Variants in TLL2 observed in about 807,000 individuals in gnomAD.
TLL2 encodes the protein tolloid-like protein 2.
A neutral mutation model predicts 123.0 loss-of-function variants in TLL2; 106 were observed. The observed-to-expected ratio is 0.86, with a 90% CI of 0.74 to 1.01. The LOEUF (loss-of-function observed/expected upper bound fraction) is 1.01. TLL2 is among the 50% of genes least tolerant of loss of function. TLL2 has a pLI of 0.00. For synonymous variants in TLL2, 494 were observed against 516.8 expected (o/e 0.96, Z 0.60); for missense variants, 1,332 against 1,336.7 (o/e 1.00, Z 0.06).
At chr10:96,382,184 C>G (rs577248071) in intron 16 of TLL2, among the ~76,000 whole-genome samples, 2 of 152,186 alleles carry the variant, frequency 1.3e-5, no homozygotes, top group Non-Finnish European at 2.9e-5. Flanking sequence ...CATGCGCCAG[C>G]GCGCCCAGCT....
intron 1 of TLL2, among the ~76,000 whole-genome samples, chr10:96,499,222 A>G (rs570581517): frequency 1.3e-5 from 2 of 152,260 alleles, no homozygotes; most frequent in East Asian, 3.9e-4. Context: ...AACCCTCCAG[A>G]GTTTTGCCAA....
chr10:96,445,879 G>T (rs1250658155), intron 3 of TLL2, among the ~76,000 whole-genome samples: 3 of 152,194 alleles, frequency 2.0e-5, no homozygotes, highest in Admixed American at 2.0e-4. Context: ...AGGGAAGGGA[G>T]AATGGGAGTG....
At chr10:96,442,111 C>A (rs1433976127) in intron 3 of TLL2, among the ~76,000 whole-genome samples, 1 of 152,188 alleles carries the variant, frequency 6.6e-6, no homozygotes, top group African/African-American at 2.4e-5. Context: ...GAGCTCTCAT[C>A]TCCAGAGGAG....
intron 19 of TLL2, among the ~76,000 whole-genome samples, chr10:96,371,185 G>T (rs1295742336): frequency 6.6e-6 from 1 of 152,046 alleles, no homozygotes; most frequent in Non-Finnish European, 1.5e-5. Flanking sequence ...GCTAGGTGTG[G>T]TGGTGGGCGC....
chr10:96,480,756 A>G (rs947848158), intron 1 of TLL2, among the ~76,000 whole-genome samples: 3 of 152,216 alleles, frequency 2.0e-5, no homozygotes, highest in African/African-American at 4.8e-5. Context: ...GAGCAAAACT[A>G]CCACAAAAAG....
intron 19 of TLL2, among the ~76,000 whole-genome samples, chr10:96,371,791 A>C (rs1464064117): frequency 6.6e-6 from 1 of 152,040 alleles, no homozygotes; most frequent in Non-Finnish European, 1.5e-5. Context: ...AGCCATGGGG[A>C]GCACCAGCAG....
intron 16 of TLL2, 35 bp from the exon 17 acceptor site, chr10:96,379,127 G>T: frequency 3.2e-6 from 5 of 1,585,774 alleles, no homozygotes; most frequent in Non-Finnish European, 4.3e-6. Context: ...AAGAGGAACC[G>T]CCAACTTGCA....
intron 3 of TLL2, among the ~76,000 whole-genome samples, chr10:96,442,125 G>C (rs1401464885): frequency 2.0e-5 from 3 of 152,280 alleles, no homozygotes; most frequent in African/African-American, 7.2e-5. Context: ...AGAGGAGGGA[G>C]AGCCTTCTGA....
rs1333759445 is a variant in TLL2, at chr10:96,513,889, A to G, written c.-204T>C. ...AACCGGGAAGCAGCCGCTCGGAGCT[A>G]CTTGCCCGGCGGCCGAGGCTGCGGC... is the stretch of plus-strand genomic sequence containing the variant. On this transcript the variant is annotated 5_prime_UTR_variant, in exon 1 of 21. Transcript: ENST00000357947. 3 of 554,580 alleles carry G rather than the reference A, an allele frequency of 5.4e-6. No individual in the cohort carries two copies. The African/African-American group carries it at 6.0e-5, about 11-fold the overall frequency. The allele number at this position is 554,580 out of a possible 1,614,324, so 34.4% of individuals were successfully genotyped here. A position where few individuals can be genotyped will look rare whatever the true frequency, so the allele number is the denominator to read the frequency against.
At chr10:96,419,434 G>A (rs565679112) in intron 7 of TLL2, among the ~76,000 whole-genome samples, 102 of 152,026 alleles carry the variant, frequency 6.7e-4, no homozygotes, top group Non-Finnish European at 1.1e-3. Context: ...GGGGTCACAG[G>A]AGAACTATGA....
chr10:96,505,333 C>A (rs931535342), intron 1 of TLL2, among the ~76,000 whole-genome samples: 1 of 152,180 alleles, frequency 6.6e-6, no homozygotes, highest in Non-Finnish European at 1.5e-5. Context: ...TCCCTTGACA[C>A]GTGGGGATTA....
At chr10:96,476,248 T>TTTTTTTTTTTGTTGTTGTTGTTGTTG (rs1285354320) in intron 2 of TLL2, among the ~76,000 whole-genome samples, 1 of 69,242 alleles carries the variant, frequency 1.4e-5, no homozygotes, top group African/African-American at 6.2e-5. Context: ...ATATTTTATT[T>TTTTTTTTTTTGTTGTTGTTGTTGTTG]TTGTTGTTGT....
chr10:96,383,429 T>C (rs1291238590), intron 16 of TLL2, among the ~76,000 whole-genome samples: 6 of 152,096 alleles, frequency 3.9e-5, no homozygotes, highest in African/African-American at 1.4e-4. Context: ...GTTTCCCCCA[T>C]ACTGTTCTTG....
intron 5 of TLL2, among the ~76,000 whole-genome samples, chr10:96,425,432 C>A (rs1442625610): frequency 1.3e-5 from 2 of 151,798 alleles, no homozygotes; most frequent in African/African-American, 4.8e-5. Flanking sequence ...GAATGTACAG[C>A]TTATTTTAGG....
At chr10:96,409,829 T>C (rs1846483863) in intron 9 of TLL2, among the ~76,000 whole-genome samples, 2 of 152,208 alleles carry the variant, frequency 1.3e-5, no homozygotes, top group South Asian at 4.1e-4. Flanking sequence ...GCCTCTGCCC[T>C]GGATCCATCT....
Position 96,396,368 on chromosome 10 carries a change from A to G in TLL2, c.1385-348T>C, listed in dbSNP as rs1307092514. ...GTTGGGGAGCGCTGCGTAGCCGTGAAGTTCCCCAGGTGATTCAAGGTAGAG... is the reference window on the plus strand; with the variant it reads ...GTTGGGGAGCGCTGCGTAGCCGTGAGGTTCCCCAGGTGATTCAAGGTAGAG... On this transcript the variant is annotated intron_variant, in intron 11 of 20. Transcript: ENST00000357947. Among the ~76,000 whole-genome samples the G allele has an allele frequency of 5.3e-5, 8 of 152,288 alleles. No individual in the cohort carries two copies. The East Asian group carries it at 1.5e-3, about 29-fold the overall frequency.
At chr10:96,381,330 G>T (rs1189049401) in intron 16 of TLL2, among the ~76,000 whole-genome samples, 1 of 152,134 alleles carries the variant, frequency 6.6e-6, no homozygotes, top group Non-Finnish European at 1.5e-5. Flanking sequence ...TGTTTCATCG[G>T]GTCCCTACTC....
chr10:96,452,330 A>C (rs1846968827), intron 2 of TLL2, among the ~76,000 whole-genome samples: 2 of 152,170 alleles, frequency 1.3e-5, no homozygotes, highest in Admixed American at 1.3e-4. Context: ...AAAACAAACA[A>C]ACAAAAACTG....
intron 4 of TLL2, among the ~76,000 whole-genome samples, chr10:96,430,312 G>A (rs1846724777): frequency 6.6e-6 from 1 of 152,212 alleles, no homozygotes. Context: ...CTCCCACCAT[G>A]TGATGTTCTG....
Sources: gnomAD v4.1 joint callset for allele counts (sites outside exome capture counted in the v4.1 genomes callset) on GRCh38, gnomAD v4.1.1 for gene constraint, MANE v1.5 for transcripts, NCBI Gene and HGNC (gene_info 2026-07-23, HGNC 2026-07-21) for gene names.